CPE: variants seen among roughly 807,000 people sequenced by gnomAD.
The protein encoded by CPE is carboxypeptidase E, also known as carbocypeptidase E.
In CPE, 17 loss-of-function variants were observed where a neutral mutation model predicts 53.5. The ratio of observed to expected loss-of-function variants is 0.32; its 90% CI spans 0.22 to 0.48. The LOEUF is 0.48. CPE is among the 20% of genes least tolerant of loss of function. The pLI, the probability that CPE is intolerant of heterozygous loss-of-function variation, is 0.99. For missense variants in CPE, 524 were observed against 614.7 expected (o/e 0.85, Z 1.56); for synonymous variants, 226 against 228.8 (o/e 0.99, Z 0.11).
chr4:165,419,034 C>T (rs1028654254), intron 1 of CPE, among the ~76,000 whole-genome samples: 3 of 152,244 alleles, frequency 2.0e-5, no homozygotes, highest in South Asian at 2.1e-4. Context: ...CTACTTACTC[C>T]GTGGTCTTCT....
chr4:165,473,584 A>G lies in CPE; in HGVS notation c.672+5729A>G, dbSNP rs1292266643. Among the ~76,000 whole-genome samples, 16 of 152,376 alleles carry G rather than the reference A, an allele frequency of 1.1e-4. No individual in the cohort carries two copies. The South Asian group carries it at 2.3e-3, about 22-fold the overall frequency. ...TAGGACTGACTAGGTTGAAGTTATT[A>G]GTTAAACATTTAGGTAACTTTCCAG... is the stretch of plus-strand genomic sequence containing the variant. On this transcript the variant is annotated intron_variant, in intron 3 of 8. Coordinates refer to ENST00000402744, the MANE Select transcript of CPE (RefSeq NM_001873.4).
rs114261479 is a variant in CPE, at chr4:165,490,090, T to G, written c.1113+2513T>G. ...TTGTTGTCTTGACAATGGTGGTGAT[T>G]AGTAATTGAACACCTGGGCCTAAAA... On this transcript the variant is annotated intron_variant, in intron 6 of 8. Transcript: ENST00000402744. 4.0e-3 allele frequency among the ~76,000 whole-genome samples: 609 copies of G among 152,320 alleles called. 4 individuals carry two copies. The highest frequency in any genetic ancestry group is 0.014 in the African/African-American group (590 of 41,558).
chr4:165,465,313 C>T (rs1346209657), intron 2 of CPE, among the ~76,000 whole-genome samples: 2 of 152,004 alleles, frequency 1.3e-5, no homozygotes, highest in Admixed American at 6.6e-5. Context: ...GCTAAAAAAT[C>T]CAATGACATA....
In CPE at chr4:165,497,824, C is replaced by T. The variant is rs908403012; in HGVS notation, c.*214C>T. ...CTCTTATATAGTATTCATTTTCCTA[C>T]CTATATTACACAAAAAAGTATAGAA... On this transcript the variant is annotated 3_prime_UTR_variant, in exon 9 of 9. Coordinates refer to ENST00000402744, the MANE Select transcript of CPE (RefSeq NM_001873.4). 1.1e-5 allele frequency: 3 copies of T among 281,308 alleles called. No individual in the cohort carries two copies. Among genetic ancestry groups the T allele is most frequent in the African/African-American group, 6.5e-5 (3 of 45,880 alleles). 17.4% of individuals were successfully genotyped at this position (281,308 alleles called of 1,614,324 possible). A position where few individuals can be genotyped will look rare whatever the true frequency, so the allele number is the denominator to read the frequency against.
At chr4:165,485,809 C>G (rs73860793) in intron 5 of CPE, among the ~76,000 whole-genome samples, 2,139 of 152,246 alleles carry the variant, frequency 0.014, 54 homozygotes, top group African/African-American at 0.048. Flanking sequence ...GTCTTCAGTT[C>G]TGTATATAGT....
chr4:165,473,814 C>A (rs1732249004), intron 3 of CPE, among the ~76,000 whole-genome samples: 1 of 152,184 alleles, frequency 6.6e-6, no homozygotes, highest in South Asian at 2.1e-4. Flanking sequence ...GCTCTTAAAT[C>A]CCAAAGGGAA....
intron 3 of CPE, among the ~76,000 whole-genome samples, chr4:165,481,009 TATATA>T (rs1415262755): frequency 1.8e-4 from 10 of 54,864 alleles, no homozygotes; most frequent in South Asian, 1.6e-3. Flanking sequence ...TATATATATA[TATATA>T]TATTTTTTTT....
chr4:165,389,219 T>G, intron 1 of CPE, among the ~76,000 whole-genome samples: 1 of 152,198 alleles, frequency 6.6e-6, no homozygotes, highest in East Asian at 1.9e-4. Context: ...AGGTTTTATT[T>G]AGGGTTCGAT....
At chr4:165,404,944 G>C in intron 1 of CPE, 1 of 759,104 alleles carries the variant, frequency 1.3e-6, no homozygotes, top group African/African-American at 1.7e-5. Context: ...TACTAGCAAA[G>C]ACGTAGTGAT....
chr4:165,486,208 TG>T (rs71602593), intron 5 of CPE, among the ~76,000 whole-genome samples: 15,448 of 151,238 alleles, frequency 0.1, 1,061 homozygotes, highest in African/African-American at 0.2. Context: ...GGAAAAGGGG[TG>T]GGGGGGTAGC....
chr4:165,467,936 C>T, intron 3 of CPE, 81 bp downstream of exon 3: 2 of 1,440,612 alleles, frequency 1.4e-6, no homozygotes, highest in Admixed American at 1.9e-5. Context: ...TCATGAAGGA[C>T]AGAGGAGTAA....
In CPE at chr4:165,379,973, G is replaced by T. The variant is rs945749614; in HGVS notation, c.307+445G>T. ...TCTTCCTTGCTGACAAGAGTAGAAA[G>T]ATAAGGTGCAGAAGGCAGTGATTGA... On this transcript the variant is annotated intron_variant, in intron 1 of 8. Transcript: ENST00000402744. This position sits in a 1 kb window ranked among gnomAD's most constrained non-coding sequence, Gnocchi z 6.0. Among the ~76,000 whole-genome samples the T allele has an allele frequency of 1.5e-4, 23 of 152,380 alleles. No homozygotes were observed. Among genetic ancestry groups the T allele is most frequent in the African/African-American group, 5.5e-4 (23 of 41,592 alleles).
At position 165,497,692 on chromosome 4, in the gene CPE, G is replaced by GATTTT; in HGVS notation, c.*82_*83insATTTT. The GATTTT allele has an allele frequency of 1.6e-6, 1 of 608,764 alleles. No homozygotes were observed. Among genetic ancestry groups the GATTTT allele is most frequent in the Non-Finnish European group, 2.5e-6 (1 of 395,424 alleles). The allele number at this position is 608,764 out of a possible 1,614,324, so 37.7% of individuals were successfully genotyped here. ...TGGTCTTTTTTTTAGATTTTGTGCA[G>GATTTT]TTAATACTTAACATTGATTTATTTT... On this transcript the variant is annotated 3_prime_UTR_variant, in exon 9 of 9. Transcript: ENST00000402744.
chr4:165,406,940 A>C (rs187412261), intron 1 of CPE, among the ~76,000 whole-genome samples: 1 of 152,374 alleles, frequency 6.6e-6, no homozygotes, highest in Non-Finnish European at 1.5e-5. Context: ...AGCATGTATT[A>C]GTACTCCATT....
chr4:165,384,609 C>A (rs1222504996), intron 1 of CPE, among the ~76,000 whole-genome samples: 2 of 152,162 alleles, frequency 1.3e-5, no homozygotes, highest in African/African-American at 4.8e-5. Flanking sequence ...GAGCGAGACC[C>A]TATCTCAGAA....
intron 1 of CPE, among the ~76,000 whole-genome samples, chr4:165,388,935 A>T (rs1390375583): frequency 6.6e-6 from 1 of 152,166 alleles, no homozygotes; most frequent in Non-Finnish European, 1.5e-5. Flanking sequence ...GTAAATGTTA[A>T]GCCAGATTTT....
At chr4:165,441,533 A>G (rs1731608996) in intron 1 of CPE, among the ~76,000 whole-genome samples, 1 of 152,204 alleles carries the variant, frequency 6.6e-6, no homozygotes, top group Non-Finnish European at 1.5e-5. Context: ...TACAAGTAGC[A>G]TTCTAGAACC....
chr4:165,453,935 T>G (rs2126693827), intron 1 of CPE, among the ~76,000 whole-genome samples: 1 of 152,170 alleles, frequency 6.6e-6, no homozygotes, highest in East Asian at 1.9e-4. Context: ...ATGCCCTCAC[T>G]TTTTGAAATG....
intron 1 of CPE, among the ~76,000 whole-genome samples, chr4:165,423,968 T>A (rs1262540047): frequency 6.6e-6 from 1 of 152,060 alleles, no homozygotes; most frequent in African/African-American, 2.4e-5. Flanking sequence ...ACAAAGGACA[T>A]GAACTCATCA....
Sources: allele counts gnomAD v4.1 joint callset (sites outside exome capture counted in the v4.1 genomes callset), GRCh38; gene constraint gnomAD v4.1.1; non-coding constraint Gnocchi (gnomAD v3.1); transcripts MANE v1.5; gene names NCBI Gene and HGNC (gene_info 2026-07-23, HGNC 2026-07-21).